Variants in SHH observed in about 807,000 individuals in gnomAD.
SHH encodes the protein sonic hedgehog protein.
A neutral mutation model predicts 16.6 loss-of-function variants in SHH; 3 were observed. That is an observed-to-expected ratio of 0.18 (90% CI 0.08 to 0.47). The LOEUF is 0.47. Ranked by LOEUF, SHH falls within the 20% of genes least tolerant of loss-of-function variation. SHH has a pLI of 0.98. For synonymous variants in SHH, 351 were observed against 316.2 expected (o/e 1.11, Z -1.17); for missense variants, 499 against 665.0 (o/e 0.75, Z 2.75).
chr7:155,802,776 A>C lies in SHH; in HGVS notation c.*124T>G, dbSNP rs944731474. 5.5e-5 allele frequency: 30 copies of C among 545,668 alleles called. No individual in the cohort carries two copies. The highest frequency in any genetic ancestry group is 5.2e-4 in the Middle Eastern group (1 of 1,918). The allele number at this position is 545,668 out of a possible 1,614,324, so 33.8% of individuals were successfully genotyped here. ...AGTCTACTTTGGACTGTCCTACTTT[A>C]TTATTCTTATTCTTATTATAACTCA... On this transcript the variant is annotated 3_prime_UTR_variant, in exon 3 of 3. Transcript: ENST00000297261.
intron 2 of SHH, among the ~76,000 whole-genome samples, chr7:155,805,019 T>C (rs1220675519): frequency 1.3e-5 from 2 of 152,126 alleles, no homozygotes; most frequent in Non-Finnish European, 2.9e-5. Flanking sequence ...ACGGCCCGGC[T>C]TGACACGCTG....
Position 155,811,846 on chromosome 7 carries a change from C to A in SHH, c.277G>T (p.Gly93Ter), listed in dbSNP as rs767953314. The change falls in exon 1 of 3, where the codon GGA (glycine) becomes TGA (stop). Residue 93 changes from glycine to a stop codon, truncating the protein, a stop_gained. Coordinates refer to ENST00000297261, the MANE Select transcript of SHH (RefSeq NM_000193.4). LOFTEE classifies it high-confidence loss of function. ...DIIFKDEENT[G>*]ADRLMTQRCK... ...ACCTGAGTCATCAGCCTGTCCGCTC[C>A]GGTGTTTTCTTCATCCTTAAATATG... The A allele has an allele frequency of 1.2e-6, 2 of 1,614,038 alleles. No homozygotes were observed. Among genetic ancestry groups the A allele is most frequent in the Non-Finnish European group, 1.7e-6 (2 of 1,180,034 alleles).
chr7:155,800,204 CCCTGTACCTAG>C lies in SHH; in HGVS notation c.*2685_*2695del. ...GGGGCTGGGCTGCACCCTCTTGATG[CCCTGTACCTAG>C]TGTCTCTAAGCAGTGGTTTCCTTTC... is the stretch of plus-strand genomic sequence containing the variant. On this transcript the variant is annotated 3_prime_UTR_variant, in exon 3 of 3. Coordinates refer to ENST00000297261, the MANE Select transcript of SHH (RefSeq NM_000193.4). The C allele has an allele frequency of 2.1e-6, 1 of 471,112 alleles. No homozygotes were observed. Among genetic ancestry groups the C allele is most frequent in the Non-Finnish European group, 4.4e-6 (1 of 227,082 alleles). The allele number at this position is 471,112 out of a possible 1,614,324, so 29.2% of individuals were successfully genotyped here.
intron 1 of SHH, among the ~76,000 whole-genome samples, chr7:155,810,712 G>T (rs945807551): frequency 4.6e-5 from 7 of 152,346 alleles, no homozygotes; most frequent in Non-Finnish European, 7.3e-5. Context: ...CACGGAGGTA[G>T]CTCCTCTCTC....
chr7:155,808,122 G>C (rs141959823), intron 1 of SHH, among the ~76,000 whole-genome samples: 2,823 of 152,248 alleles, frequency 0.019, 43 homozygotes, highest in Non-Finnish European at 0.029. Context: ...GGCCGCCCTG[G>C]TAACAGGTCA....
rs1270279607 is a variant in SHH, at chr7:155,811,931, C to T, written c.192G>A (p.Gly64=). Residue 64 remains glycine, a synonymous_variant, in exon 1 of 3, where the codon GGG becomes GGA. Coordinates refer to ENST00000297261, the MANE Select transcript of SHH (RefSeq NM_000193.4). ...KTLGASGRYE[G]KISRNSERFK... is the part of the protein sequence containing the mutation. ...ATCGCTCGGAGTTTCTGGAGATCTT[C>T]CCTTCATACCTTCCGCTGGCGCCTA... is the stretch of plus-strand genomic sequence containing the variant. The T allele has an allele frequency of 1.2e-6, 2 of 1,614,136 alleles. No individual in the cohort carries two copies. The highest frequency in any genetic ancestry group is 1.7e-6 in the Non-Finnish European group (2 of 1,180,020).
Position 155,800,127 on chromosome 7 carries a change from CA to C in SHH, c.*2772del. ...GCAACCACCATGCATACATTTTGCA[CA>C]AACTCTTGGCTCCGTCAACCCTGAA... is the stretch of plus-strand genomic sequence containing the variant. On this transcript the variant is annotated 3_prime_UTR_variant, in exon 3 of 3. Transcript: ENST00000297261. The C allele has an allele frequency of 2.1e-6, 1 of 471,706 alleles. No homozygotes were observed. 29.2% of individuals were successfully genotyped at this position (471,706 alleles called of 1,614,324 possible).
In SHH at chr7:155,812,341, C is replaced by G; in HGVS notation, c.-219G>C. On this transcript the variant is annotated 5_prime_UTR_variant, in exon 1 of 3. Coordinates refer to ENST00000297261, the MANE Select transcript of SHH (RefSeq NM_000193.4). ...GACTCTCCACCGCTCCCCACCCAGA[C>G]AGGGGCTGGAATGGCAGGCTGCCGG... is the stretch of plus-strand genomic sequence containing the variant. The G allele has an allele frequency of 1.7e-6, 1 of 603,548 alleles. No individual in the cohort carries two copies. The highest frequency in any genetic ancestry group is 1.9e-5 in the South Asian group (1 of 52,588). 37.4% of individuals were successfully genotyped at this position (603,548 alleles called of 1,614,324 possible). A position where few individuals can be genotyped will look rare whatever the true frequency, so the allele number is the denominator to read the frequency against.
Position 155,800,258 on chromosome 7 carries a change from G to T in SHH, c.*2642C>A, listed in dbSNP as rs773956552. 6.2e-5 allele frequency: 29 copies of T among 469,880 alleles called. No individual in the cohort carries two copies. The highest frequency in any genetic ancestry group is 4.2e-4 in the South Asian group (27 of 64,536). 29.1% of individuals were successfully genotyped at this position (469,880 alleles called of 1,614,324 possible). ...TTCCTTTCCTTGCCTGTGAAAAAGA[G>T]AATTTTAAATATAAAGCAGTGGACG... On this transcript the variant is annotated 3_prime_UTR_variant, in exon 3 of 3. Transcript: ENST00000297261.
intron 2 of SHH, among the ~76,000 whole-genome samples, chr7:155,805,963 G>A (rs897384617): frequency 1.3e-5 from 2 of 152,238 alleles, no homozygotes; most frequent in African/African-American, 4.8e-5. Flanking sequence ...GGCTAACCGC[G>A]CAGGGCTGTC....
At chr7:155,804,556 A>ACC (rs111407140) in intron 2 of SHH, among the ~76,000 whole-genome samples, 25 of 130,910 alleles carry the variant, frequency 1.9e-4, no homozygotes, top group African/African-American at 4.3e-4. Context: ...CTCAGGTGCA[A>ACC]CCCCCCCCCA....
Position 155,806,432 on chromosome 7 carries a change from C to T in SHH, c.426G>A (p.Glu142=), listed in dbSNP as rs775841199. ...ACGTGGTGATGTCCACTGCGCGGCC[C>T]TCGTAGTGCAGAGACTCCTCTGAGT... is the stretch of plus-strand genomic sequence containing the variant. ...GHHSEESLHY[E]GRAVDITTSD... is the part of the protein sequence containing the mutation. The change falls in exon 2 of 3, where the codon GAG becomes GAA. Residue 142 remains glutamate, a synonymous_variant. Transcript: ENST00000297261. 23 of 1,613,890 alleles carry T rather than the reference C, an allele frequency of 1.4e-5. No individual in the cohort carries two copies. In the South Asian group the frequency reaches 2.5e-4, roughly 18 times the overall value.
chr7:155,806,556 C>T lies in SHH; in HGVS notation c.302G>A (p.Arg101Lys). Reference sequence around the variant, plus strand: ...CAAAGCGTTCAACTTGTCCTTACACCTCTGCGAAGACAAGGGGACCCCCAC... The same window carrying T: ...CAAAGCGTTCAACTTGTCCTTACACTTCTGCGAAGACAAGGGGACCCCCAC... ...NTGADRLMTQ[R>K]CKDKLNALAI... Residue 101 changes from arginine (R) to lysine (K), a missense_variant and splice_region_variant, in exon 2 of 3, where the codon AGG becomes AAG. Coordinates refer to ENST00000297261, the MANE Select transcript of SHH (RefSeq NM_000193.4). 1 of 1,610,678 alleles carries T rather than the reference C, an allele frequency of 6.2e-7. No homozygotes were observed. The highest frequency in any genetic ancestry group is 8.5e-7 in the Non-Finnish European group (1 of 1,180,026).
chr7:155,803,012 G>GCTT lies in SHH; in HGVS notation c.1276_1277insAAG (p.Gly425_Ala426insGlu). On this transcript the variant is annotated inframe_insertion, in exon 3 of 3. Coordinates refer to ENST00000297261, the MANE Select transcript of SHH (RefSeq NM_000193.4). The stretch of plus-strand genomic sequence containing the variant: ...CCAGTGGATGCCCGCGGTGGCCCCC[G>GCTT]CACCCGGAGCGTCGGCAGCACCTGG... 1 of 1,542,090 alleles carries GCTT rather than the reference G, an allele frequency of 6.5e-7. No homozygotes were observed. The highest frequency in any genetic ancestry group is 8.7e-7 in the Non-Finnish European group (1 of 1,144,998).
intron 1 of SHH, among the ~76,000 whole-genome samples, chr7:155,811,555 CA>C (rs1803523303): frequency 6.6e-6 from 1 of 152,134 alleles, no homozygotes; most frequent in Non-Finnish European, 1.5e-5. Flanking sequence ...GCCATTGTAG[CA>C]AGACTCATCA....
chr7:155,806,749 T>C (rs1383447160), intron 1 of SHH, 192 bp from the exon 2 acceptor site: 7 of 738,366 alleles, frequency 9.5e-6, no homozygotes, highest in Non-Finnish European at 1.7e-5. Context: ...AGGGACAGCA[T>C]TTGCGGAGGA....
At chr7:155,805,670 C>T (rs945398584) in intron 2 of SHH, among the ~76,000 whole-genome samples, 1 of 152,142 alleles carries the variant, frequency 6.6e-6, no homozygotes, top group African/African-American at 2.4e-5. Context: ...CGACTCGGGC[C>T]GGCGTTTCGG....
chr7:155,812,319 T>C lies in SHH; in HGVS notation c.-197A>G. Reference sequence around the variant, plus strand: ...CTTGCCCGCCGCGGCTGCGGGGGACTCTCCACCGCTCCCCACCCAGACAGG... The same window carrying C: ...CTTGCCCGCCGCGGCTGCGGGGGACCCTCCACCGCTCCCCACCCAGACAGG... On this transcript the variant is annotated 5_prime_UTR_variant, in exon 1 of 3. Transcript: ENST00000297261. 1.6e-6 allele frequency: 1 copy of C among 621,506 alleles called. No individual in the cohort carries two copies. Among genetic ancestry groups the C allele is most frequent in the Non-Finnish European group, 2.9e-6 (1 of 344,838 alleles). The allele number at this position is 621,506 out of a possible 1,614,324, so 38.5% of individuals were successfully genotyped here. A position where few individuals can be genotyped will look rare whatever the true frequency, so the allele number is the denominator to read the frequency against.
chr7:155,801,671 G>T lies in SHH; in HGVS notation c.*1229C>A, dbSNP rs1803183384. ...TCCAGCCATGAGAAGAAACAAGTTG[G>T]TTTGTGTGCCTACTTTGGTTACCTA... On this transcript the variant is annotated 3_prime_UTR_variant, in exon 3 of 3. Coordinates refer to ENST00000297261, the MANE Select transcript of SHH (RefSeq NM_000193.4). The T allele has an allele frequency of 6.6e-6, 1 of 152,234 alleles. No homozygotes were observed. Among genetic ancestry groups the T allele is most frequent in the African/African-American group, 2.4e-5 (1 of 41,468 alleles). 9.4% of individuals were successfully genotyped at this position (152,234 alleles called of 1,614,324 possible). A position where few individuals can be genotyped will look rare whatever the true frequency, so the allele number is the denominator to read the frequency against.
Sources: allele counts gnomAD v4.1 joint callset (sites outside exome capture counted in the v4.1 genomes callset), GRCh38; gene constraint gnomAD v4.1.1; transcripts MANE v1.5; gene names NCBI Gene and HGNC (gene_info 2026-07-23, HGNC 2026-07-21).